Variants in BACE2 observed in about 807,000 individuals in gnomAD.
BACE2 encodes 56 kDa aspartic-like protease.
BACE2 carries 17 observed loss-of-function variants against 46.2 expected under a neutral mutation model. The observed-to-expected ratio is 0.37, with a 90% confidence interval of 0.25 to 0.55. The LOEUF (loss-of-function observed/expected upper bound fraction) is 0.55, where lower values mean the gene tolerates loss of function less well. BACE2 is among the 20% of genes least tolerant of loss of function. BACE2 has a pLI of 0.82. For missense variants in BACE2, 595 were observed against 698.1 expected (o/e 0.85, Z 1.66); for synonymous variants, 277 against 295.9 (o/e 0.94, Z 0.66).
chr21:41,219,511 T>A (rs530697352), intron 1 of BACE2, among the ~76,000 whole-genome samples: 180 of 152,328 alleles, frequency 1.2e-3, no homozygotes, highest in African/African-American at 4.0e-3. Flanking sequence ...GATTCTGATA[T>A]GCCTGCCCCC....
chr21:41,260,443 C>A (rs1987905728), intron 8 of BACE2, among the ~76,000 whole-genome samples: 1 of 152,220 alleles, frequency 6.6e-6, no homozygotes, highest in Admixed American at 6.5e-5. Flanking sequence ...CCATGTCTGG[C>A]CATCTTGTGG....
intron 7 of BACE2, chr21:41,252,401 A>G (rs1278009514): frequency 6.6e-6 from 1 of 152,212 alleles, no homozygotes. Flanking sequence ...TTAAGACTCA[A>G]CTCAAACAAC....
intron 1 of BACE2, among the ~76,000 whole-genome samples, chr21:41,211,977 A>G (rs935281649): frequency 2.0e-5 from 3 of 152,254 alleles, no homozygotes; most frequent in Non-Finnish European, 2.9e-5. Context: ...TGGCTAGACC[A>G]TGGCTTCTAG....
chr21:41,193,140 G>A lies in BACE2; in HGVS notation c.312+24565G>A, dbSNP rs945155912. Reference sequence around the variant, plus strand: ...TCTCGTGGAAACGAAAAGCGATCAAGGTCTCTCCAAATAAGATTATGACAT... The same window carrying A: ...TCTCGTGGAAACGAAAAGCGATCAAAGTCTCTCCAAATAAGATTATGACAT... On this transcript the variant is annotated intron_variant, in intron 1 of 8. Coordinates refer to ENST00000330333, the MANE Select transcript of BACE2 (RefSeq NM_012105.5). This position sits in a 1 kb window ranked among gnomAD's most constrained non-coding sequence, Gnocchi z 4.2. Among the ~76,000 whole-genome samples, 2 of 152,152 alleles carry A rather than the reference G, an allele frequency of 1.3e-5. No homozygotes were observed. The highest frequency in any genetic ancestry group is 2.4e-5 in the African/African-American group (1 of 41,444).
chr21:41,264,169 A>G (rs1277797591), intron 8 of BACE2, among the ~76,000 whole-genome samples: 1 of 149,804 alleles, frequency 6.7e-6, no homozygotes, highest in Non-Finnish European at 1.5e-5. Flanking sequence ...ACTTTTTATT[A>G]TTTTTATTGT....
intron 1 of BACE2, among the ~76,000 whole-genome samples, chr21:41,205,518 G>A (rs998807685): frequency 4.6e-5 from 7 of 152,194 alleles, no homozygotes; most frequent in Non-Finnish European, 8.8e-5. Flanking sequence ...ATCTTTGTGC[G>A]TGATTGAAAA....
chr21:41,221,374 T>C (rs145759815), intron 1 of BACE2, among the ~76,000 whole-genome samples: 6 of 152,250 alleles, frequency 3.9e-5, no homozygotes, highest in African/African-American at 7.2e-5. Flanking sequence ...TGCCAACAGC[T>C]CGAAAACTGT....
Position 41,241,934 on chromosome 21 carries a change from A to G in BACE2, c.734A>G (p.Asn245Ser), listed in dbSNP as rs758641637. 1.2e-6 allele frequency: 2 copies of G among 1,614,062 alleles called. No individual in the cohort carries two copies. Among genetic ancestry groups the G allele is most frequent in the African/African-American group, 2.7e-5 (2 of 74,928 alleles). The change falls in exon 4 of 9, where the codon AAC becomes AGC. Residue 245 changes from asparagine to serine, a missense_variant. By Grantham distance (46) the Asn-to-Ser change is conservative (BLOSUM62 1). Coordinates refer to ENST00000330333, the MANE Select transcript of BACE2 (RefSeq NM_012105.5). ...TTGCCCGTTGCTGGATCTGGGACCA[A>G]CGGAGGTAGTCTTGTGGGTATCTTT... ...AGLPVAGSGT[N>S]GGSLVLGGIE...
rs982056795 is a variant in BACE2, at chr21:41,261,125, C to T, written c.1303+3799C>T. Among the ~76,000 whole-genome samples, 2 of 152,146 alleles carry T rather than the reference C, an allele frequency of 1.3e-5. 1 individual carries two copies. Among genetic ancestry groups the T allele is most frequent in the African/African-American group, 4.8e-5 (2 of 41,418 alleles). ...CAATTATAAACCGTACTGCAGTGAACGTCTTTGTGTAGATGAATGAGATCA... is the reference window on the plus strand; with the variant it reads ...CAATTATAAACCGTACTGCAGTGAATGTCTTTGTGTAGATGAATGAGATCA... On this transcript the variant is annotated intron_variant, in intron 8 of 8. Transcript: ENST00000330333.
chr21:41,214,124 T>C (rs1462352401), intron 1 of BACE2, among the ~76,000 whole-genome samples: 1 of 152,196 alleles, frequency 6.6e-6, no homozygotes, highest in East Asian at 1.9e-4. Flanking sequence ...AGAATGGTCA[T>C]CACCCCCTTT....
chr21:41,235,350 C>CTG (rs1260911983), intron 2 of BACE2, among the ~76,000 whole-genome samples: 2 of 152,222 alleles, frequency 1.3e-5, no homozygotes, highest in African/African-American at 4.8e-5. Flanking sequence ...ATTTACTGAA[C>CTG]TGTTTCCTTG....
intron 1 of BACE2, among the ~76,000 whole-genome samples, chr21:41,202,313 C>T (rs751490338): frequency 6.6e-6 from 1 of 152,208 alleles, no homozygotes; most frequent in Admixed American, 6.5e-5. Context: ...AATCATATCA[C>T]ACGACCAATG....
At chr21:41,252,210 TC>T (rs559015484) in intron 7 of BACE2, among the ~76,000 whole-genome samples, 21 of 152,300 alleles carry the variant, frequency 1.4e-4, no homozygotes, top group Admixed American at 4.6e-4. Context: ...GTCCATGGCC[TC>T]CCACCAGACC....
In BACE2 at chr21:41,221,936, G is replaced by A. The variant is rs141087220; in HGVS notation, c.313-4330G>A. Among the ~76,000 whole-genome samples the A allele has an allele frequency of 3.3e-3, 504 of 152,316 alleles. 5 individuals are homozygous for A. The Middle Eastern group carries it at 0.037, about 11-fold the overall frequency. ...AAACAGCAAAAATCCCTGTCAGAGGGAGGCTTCACGCTGGTGGGGCGGAGG... is the reference window on the plus strand; with the variant it reads ...AAACAGCAAAAATCCCTGTCAGAGGAAGGCTTCACGCTGGTGGGGCGGAGG... On this transcript the variant is annotated intron_variant, in intron 1 of 8. Coordinates refer to ENST00000330333, the MANE Select transcript of BACE2 (RefSeq NM_012105.5).
At chr21:41,195,744 T>C (rs1171529614) in intron 1 of BACE2, among the ~76,000 whole-genome samples, 2 of 152,186 alleles carry the variant, frequency 1.3e-5, no homozygotes, top group African/African-American at 4.8e-5. Flanking sequence ...GATAGAAACT[T>C]TGATATGAGA....
intron 1 of BACE2, among the ~76,000 whole-genome samples, chr21:41,225,195 C>T (rs1240088299): frequency 1.3e-5 from 2 of 150,638 alleles, no homozygotes; most frequent in East Asian, 3.9e-4. Flanking sequence ...GATCGTGCCA[C>T]TGCACTCCAG....
At chr21:41,217,983 C>T (rs1430182022) in intron 1 of BACE2, among the ~76,000 whole-genome samples, 1 of 152,220 alleles carries the variant, frequency 6.6e-6, no homozygotes. Context: ...AGATTTTGGA[C>T]TTCTGACCTC....
At chr21:41,267,312 A>G (rs554640798) in intron 8 of BACE2, among the ~76,000 whole-genome samples, 3 of 152,336 alleles carry the variant, frequency 2.0e-5, no homozygotes, top group African/African-American at 7.2e-5. Flanking sequence ...CATATCTGAC[A>G]TGGATACTAG....
intron 8 of BACE2, among the ~76,000 whole-genome samples, chr21:41,264,064 A>G (rs1988005638): frequency 6.6e-6 from 1 of 151,940 alleles, no homozygotes; most frequent in Admixed American, 6.6e-5. Context: ...ATTCTGTGTA[A>G]TTTCTTCAGA....
Sources: allele counts gnomAD v4.1 joint callset (sites outside exome capture counted in the v4.1 genomes callset), GRCh38; gene constraint gnomAD v4.1.1; non-coding constraint Gnocchi (gnomAD v3.1); transcripts MANE v1.5; gene names NCBI Gene and HGNC (gene_info 2026-07-23, HGNC 2026-07-21).